The following AKAP13 variants were observed in gnomAD, a reference collection of about 807,000 sequenced individuals.
AKAP13 encodes the protein A-kinase anchor protein 13.
A neutral mutation model predicts 264.5 loss-of-function variants in AKAP13; 80 were observed. The ratio of observed to expected loss-of-function variants is 0.30; its 90% confidence interval spans 0.25 to 0.36. The LOEUF is 0.36. Among genes scored for constraint, AKAP13 ranks in the 10% least tolerant of loss-of-function variants. AKAP13 has a pLI of 1.00. For synonymous variants in AKAP13, 1,380 were observed against 1,250.2 expected (o/e 1.10, Z -2.19); for missense variants, 3,712 against 3,435.2 (o/e 1.08, Z -2.01).
chr15:85,717,552 T>C, intron 21 of AKAP13, 150 bp downstream of exon 21: 1 of 644,950 alleles, frequency 1.6e-6, no homozygotes, highest in South Asian at 1.9e-5. Flanking sequence ...GTCCAGTGCT[T>C]TGTCATGACT....
intron 2 of AKAP13, among the ~76,000 whole-genome samples, chr15:85,496,054 A>T (rs929822008): frequency 3.3e-5 from 5 of 152,216 alleles, no homozygotes; most frequent in Non-Finnish European, 7.3e-5. Context: ...TTGGCAAGGA[A>T]ACATGGCCAG....
intron 8 of AKAP13, among the ~76,000 whole-genome samples, chr15:85,588,667 T>G (rs1177609623): frequency 1.3e-5 from 2 of 152,210 alleles, no homozygotes; most frequent in African/African-American, 2.4e-5. Context: ...TTCTCCTTTT[T>G]TCTCTAGTTT....
At chr15:85,578,650 A>T (rs1375402907) in intron 6 of AKAP13, among the ~76,000 whole-genome samples, 2 of 152,192 alleles carry the variant, frequency 1.3e-5, no homozygotes, top group East Asian at 1.9e-4. Flanking sequence ...GGCGAGACTC[A>T]GTTTTCATCT....
chr15:85,393,747 A>G (rs181878364), intron 1 of AKAP13, among the ~76,000 whole-genome samples: 114 of 152,300 alleles, frequency 7.5e-4, no homozygotes, highest in Non-Finnish European at 1.2e-3. Flanking sequence ...ATGAACTACA[A>G]TTTTGATCTG....
At chr15:85,728,531 T>TCACACCCTAG (rs1227506809) in intron 29 of AKAP13, among the ~76,000 whole-genome samples, 1 of 152,288 alleles carries the variant, frequency 6.6e-6, no homozygotes, top group East Asian at 1.9e-4. Context: ...CTTGAGAAGC[T>TCACACCCTAG]CACACCCTAG....
chr15:85,671,355 G>A (rs141495228), intron 14 of AKAP13, among the ~76,000 whole-genome samples: 1 of 148,362 alleles, frequency 6.7e-6, no homozygotes, highest in East Asian at 2.0e-4. Flanking sequence ...AGGATCATGA[G>A]CCCAGGAGGT....
chr15:85,381,483 A>C (rs1424018875), intron 1 of AKAP13, among the ~76,000 whole-genome samples: 1 of 133,192 alleles, frequency 7.5e-6, no homozygotes, highest in East Asian at 2.0e-4. Context: ...ATACCAAACA[A>C]AACTTTTTTT....
At position 85,424,549 on chromosome 15, in the gene AKAP13, C is replaced by T. The variant is rs142110167; in HGVS notation, c.-12+43751C>T. 8.7e-4 allele frequency among the ~76,000 whole-genome samples: 133 copies of T among 152,306 alleles called. 1 individual carries two copies. The highest frequency in any genetic ancestry group is 3.2e-3 in the African/African-American group (131 of 41,564). On this transcript the variant is annotated intron_variant, in intron 1 of 36. Transcript: ENST00000394518. Reference sequence around the variant, plus strand: ...CGTTGTGGCTGGCTTGATCTTCTATCCAGACCACTCAAGCTTTCATATTGT... The same window carrying T: ...CGTTGTGGCTGGCTTGATCTTCTATTCAGACCACTCAAGCTTTCATATTGT...
At chr15:85,499,442 G>A (rs896651579) in intron 2 of AKAP13, among the ~76,000 whole-genome samples, 6 of 152,212 alleles carry the variant, frequency 3.9e-5, no homozygotes, top group African/African-American at 1.4e-4. Flanking sequence ...TTTGAAATGA[G>A]GTTGTAGACG....
At chr15:85,506,934 G>A (rs972720407) in intron 2 of AKAP13, among the ~76,000 whole-genome samples, 1 of 152,044 alleles carries the variant, frequency 6.6e-6, no homozygotes, top group African/African-American at 2.4e-5. Flanking sequence ...CTGTGCCTTC[G>A]TACATACTCT....
At chr15:85,511,384 G>A (rs147391344) in intron 2 of AKAP13, among the ~76,000 whole-genome samples, 85 of 152,232 alleles carry the variant, frequency 5.6e-4, no homozygotes, top group African/African-American at 1.9e-3. Flanking sequence ...AGATCTGACT[G>A]GCCAGGCTAG....
chr15:85,617,442 G>C (rs1326140537), intron 8 of AKAP13, among the ~76,000 whole-genome samples: 2 of 152,072 alleles, frequency 1.3e-5, no homozygotes, highest in African/African-American at 4.8e-5. Context: ...TGGGGGTTTC[G>C]CCATGTTGGC....
chr15:85,534,838 A>G (rs766009972), intron 4 of AKAP13: 1 of 152,210 alleles, frequency 6.6e-6, no homozygotes, highest in Non-Finnish European at 1.5e-5. Flanking sequence ...ACTTGATGTC[A>G]TAATTGTATA....
intron 8 of AKAP13, among the ~76,000 whole-genome samples, chr15:85,617,644 G>A (rs2081000646): frequency 6.6e-6 from 1 of 152,164 alleles, no homozygotes; most frequent in African/African-American, 2.4e-5. Context: ...AAAACAGAAG[G>A]GAGTGGCAGT....
At chr15:85,738,844 CAAAAAAA>C (rs71468137) in intron 33 of AKAP13, among the ~76,000 whole-genome samples, 6 of 72,408 alleles carry the variant, frequency 8.3e-5, no homozygotes, top group East Asian at 8.7e-4. Context: ...GACTCCGTCT[CAAAAAAA>C]AAAAAAAAAA....
chr15:85,650,791 C>CAAAAAAAAAAAAAA (rs1191739643), intron 10 of AKAP13, among the ~76,000 whole-genome samples: 2 of 65,150 alleles, frequency 3.1e-5, no homozygotes, highest in Non-Finnish European at 6.1e-5. Context: ...AAAAAAAAAA[C>CAAAAAAAAAAAAAA]AACAAAAACT....
chr15:85,516,924 G>A (rs984737371), intron 2 of AKAP13, among the ~76,000 whole-genome samples: 1 of 152,110 alleles, frequency 6.6e-6, no homozygotes, highest in Non-Finnish European at 1.5e-5. Flanking sequence ...GTATGTTGTG[G>A]TAAATAATTA....
intron 2 of AKAP13, among the ~76,000 whole-genome samples, chr15:85,509,639 C>T (rs1238143495): frequency 2.0e-5 from 3 of 152,158 alleles, no homozygotes; most frequent in African/African-American, 2.4e-5. Context: ...CTAAATTAGG[C>T]AGCACAAATG....
At chr15:85,612,997 A>G (rs541026199) in intron 8 of AKAP13, among the ~76,000 whole-genome samples, 2 of 152,292 alleles carry the variant, frequency 1.3e-5, no homozygotes, top group South Asian at 4.1e-4. Context: ...TTCTTGTGTC[A>G]TTGTACTATT....
Sources: allele counts gnomAD v4.1 joint callset (sites outside exome capture counted in the v4.1 genomes callset), GRCh38; gene constraint gnomAD v4.1.1; transcripts MANE v1.5; gene names NCBI Gene and HGNC (gene_info 2026-07-23, HGNC 2026-07-21).